The following GABBR2 variants were observed in gnomAD, a reference collection of about 807,000 sequenced individuals.
GABBR2 encodes the protein gamma-aminobutyric acid type B receptor subunit 2.
A neutral mutation model predicts 105.6 loss-of-function variants in GABBR2; 23 were observed. The ratio of observed to expected loss-of-function variants is 0.22; its 90% CI spans 0.16 to 0.31. GABBR2 has a LOEUF of 0.31. GABBR2 is among the 10% of genes least tolerant of loss of function. The probability of loss-of-function intolerance (pLI) is 1.00; values close to 1 mark genes in which losing one functional copy is unlikely to be tolerated. For synonymous variants in GABBR2, 478 were observed against 499.7 expected, an observed-to-expected ratio of 0.96 and a Z score of 0.58; for missense variants, 734 against 1,245.5, an observed-to-expected ratio of 0.59 and a Z score of 6.18.
intron 11 of GABBR2, among the ~76,000 whole-genome samples, chr9:98,372,294 C>T (rs1387081381): frequency 6.6e-6 from 1 of 152,194 alleles, no homozygotes; most frequent in Non-Finnish European, 1.5e-5. Context: ...CCCCCCAACC[C>T]TCACCATTTA....
chr9:98,452,246 C>A (rs985702747), intron 7 of GABBR2, among the ~76,000 whole-genome samples: 5 of 152,188 alleles, frequency 3.3e-5, no homozygotes, highest in African/African-American at 7.2e-5. Context: ...GCTTATCTAC[C>A]CTTTATTCCT....
chr9:98,393,770 T>G (rs1203527919), intron 9 of GABBR2, among the ~76,000 whole-genome samples: 2 of 152,198 alleles, frequency 1.3e-5, no homozygotes, highest in Non-Finnish European at 2.9e-5. Context: ...TCATTTGAGC[T>G]GGTTATAGAA....
At chr9:98,510,931 C>T (rs1254971023) in intron 3 of GABBR2, among the ~76,000 whole-genome samples, 4 of 152,176 alleles carry the variant, frequency 2.6e-5, no homozygotes, top group Admixed American at 2.6e-4. Flanking sequence ...GAACTCTCCA[C>T]CCCAAATCAA....
chr9:98,395,439 G>A (rs1832269420), intron 8 of GABBR2, among the ~76,000 whole-genome samples: 1 of 152,016 alleles, frequency 6.6e-6, no homozygotes, highest in Non-Finnish European at 1.5e-5. Flanking sequence ...AGGAGTCATC[G>A]GCATGGAAGA....
intron 1 of GABBR2, among the ~76,000 whole-genome samples, chr9:98,639,193 C>T (rs565773086): frequency 1.3e-5 from 2 of 152,292 alleles, no homozygotes; most frequent in East Asian, 1.9e-4. Flanking sequence ...GAGTGGGTCA[C>T]TCCATCCAGA....
intron 3 of GABBR2, among the ~76,000 whole-genome samples, chr9:98,512,377 T>C (rs1198505691): frequency 6.6e-6 from 1 of 151,160 alleles, no homozygotes; most frequent in Non-Finnish European, 1.5e-5. Context: ...TCACCACTCC[T>C]ATTCAACATA....
At chr9:98,489,296 G>A (rs1052163911) in intron 4 of GABBR2, among the ~76,000 whole-genome samples, 1 of 152,196 alleles carries the variant, frequency 6.6e-6, no homozygotes. Flanking sequence ...GTTGGATGAG[G>A]TCAGAAGAAG....
At chr9:98,590,992 A>G (rs574964307) in intron 1 of GABBR2, among the ~76,000 whole-genome samples, 2 of 152,214 alleles carry the variant, frequency 1.3e-5, no homozygotes, top group Non-Finnish European at 2.9e-5. Context: ...GACGCATAAA[A>G]AGTGACATAC....
At chr9:98,354,959 A>T (rs1305788266) in intron 13 of GABBR2, among the ~76,000 whole-genome samples, 1 of 152,080 alleles carries the variant, frequency 6.6e-6, no homozygotes, top group Non-Finnish European at 1.5e-5. Flanking sequence ...AAGCTTAATC[A>T]TTTCAAGATT....
intron 1 of GABBR2, among the ~76,000 whole-genome samples, chr9:98,625,239 C>G (rs1158991679): frequency 1.3e-5 from 2 of 152,246 alleles, no homozygotes; most frequent in East Asian, 3.9e-4. Context: ...CTGCTCCACC[C>G]CTGCCCTACT....
intron 11 of GABBR2, among the ~76,000 whole-genome samples, chr9:98,384,818 C>A (rs573597605): frequency 1.0e-3 from 152 of 152,016 alleles, no homozygotes; most frequent in African/African-American, 3.2e-3. Flanking sequence ...TACGTATAAA[C>A]CATAGATATA....
chr9:98,620,543 C>A (rs977531099), intron 1 of GABBR2, among the ~76,000 whole-genome samples: 1 of 151,914 alleles, frequency 6.6e-6, no homozygotes, highest in African/African-American at 2.4e-5. Flanking sequence ...TGTCTCTTTG[C>A]CAACCCACCC....
Position 98,402,737 on chromosome 9 carries a change from G to A in GABBR2, c.1297+3344C>T, listed in dbSNP as rs139104195. Among the ~76,000 whole-genome samples, 58 of 152,286 alleles carry A rather than the reference G, an allele frequency of 3.8e-4. 1 individual carries two copies. Among genetic ancestry groups the A allele is most frequent in the Non-Finnish European group, 7.6e-4 (52 of 68,020 alleles). ...GTTGCCTCACCCAAGGGGAAAGGAT[G>A]CTGGGGTATTTATCCTCCCCTTCTC... On this transcript the variant is annotated intron_variant, in intron 8 of 18. Transcript: ENST00000259455.
At chr9:98,432,985 C>T (rs959884728) in intron 7 of GABBR2, among the ~76,000 whole-genome samples, 7 of 152,188 alleles carry the variant, frequency 4.6e-5, no homozygotes, top group Non-Finnish European at 2.9e-5. Flanking sequence ...AGAAATGGGA[C>T]GTGTTTCCAT....
intron 3 of GABBR2, among the ~76,000 whole-genome samples, chr9:98,540,727 G>C (rs1828278828): frequency 6.6e-6 from 1 of 152,210 alleles, no homozygotes; most frequent in Non-Finnish European, 1.5e-5. Flanking sequence ...GGGCTGCTAA[G>C]AACACTTGGT....
At chr9:98,403,319 A>G in intron 8 of GABBR2, among the ~76,000 whole-genome samples, 1 of 137,406 alleles carries the variant, frequency 7.3e-6, no homozygotes, top group South Asian at 2.4e-4. Context: ...AAAAAAAATC[A>G]TGTAAACAGG....
chr9:98,302,451 G>A (rs1830485091), intron 16 of GABBR2, among the ~76,000 whole-genome samples: 1 of 152,170 alleles, frequency 6.6e-6, no homozygotes, highest in Non-Finnish European at 1.5e-5. Context: ...CCCCAACCGG[G>A]CCCTCTCTTT....
At chr9:98,641,151 T>G in intron 1 of GABBR2, among the ~76,000 whole-genome samples, 1 of 149,910 alleles carries the variant, frequency 6.7e-6, no homozygotes, top group African/African-American at 2.5e-5. Flanking sequence ...TTTTTCTTTT[T>G]GAGACGAAGT....
intron 3 of GABBR2, among the ~76,000 whole-genome samples, chr9:98,533,950 T>G (rs1297241060): frequency 6.7e-6 from 1 of 149,408 alleles, no homozygotes; most frequent in African/African-American, 2.5e-5. Context: ...CAGGAGAGGA[T>G]GATGATTCTA....
Sources: allele counts gnomAD v4.1 joint callset (sites outside exome capture counted in the v4.1 genomes callset), GRCh38; gene constraint gnomAD v4.1.1; transcripts MANE v1.5; gene names NCBI Gene and HGNC (gene_info 2026-07-23, HGNC 2026-07-21).